The following RIOX2 variants were observed in gnomAD, a reference collection of about 807,000 sequenced individuals.
The protein encoded by RIOX2 is ribosomal oxygenase 2.
RIOX2 carries 43 observed loss-of-function variants against 51.2 expected under a neutral mutation model. That is an observed-to-expected ratio of 0.84 (90% CI 0.66 to 1.08). The LOEUF (loss-of-function observed/expected upper bound fraction) is 1.08. Among genes scored for constraint, RIOX2 ranks in the 50% least tolerant of loss-of-function variants. The pLI is 0.00. For synonymous variants in RIOX2, 226 were observed against 218.5 expected (o/e 1.03, Z -0.30); for missense variants, 566 against 561.7 (o/e 1.01, Z -0.08).
intron 6 of RIOX2, 149 bp from the exon 7 acceptor site, chr3:97,950,164 A>G (rs1270268944): frequency 1.4e-6 from 1 of 709,280 alleles, no homozygotes; most frequent in Non-Finnish European, 2.3e-6. Flanking sequence ...TGAGCCCCTA[A>G]GAATGATATC....
rs2107120674 is a variant in RIOX2 at position 97,944,194 on chromosome 3, T to C, written c.*990A>G. The C allele has an allele frequency of 6.6e-6, 1 of 151,952 alleles. No homozygotes were observed. Among genetic ancestry groups the C allele is most frequent in the South Asian group, 2.1e-4 (1 of 4,822 alleles). The allele number at this position is 151,952 out of a possible 1,614,324, so 9.4% of individuals were successfully genotyped here. ...TTTGAACCTTGACCTTACCATCTCTTTAAGTAAACGTGGAGTTGATTTCTC... is the reference window on the plus strand; with the variant it reads ...TTTGAACCTTGACCTTACCATCTCTCTAAGTAAACGTGGAGTTGATTTCTC... On this transcript the variant is annotated 3_prime_UTR_variant, in exon 10 of 10. Transcript: ENST00000394198.
chr3:97,962,259 T>C (rs1208334220), intron 2 of RIOX2, among the ~76,000 whole-genome samples: 1 of 151,516 alleles, frequency 6.6e-6, no homozygotes, highest in Non-Finnish European at 1.5e-5. Flanking sequence ...TCAGTTCCCC[T>C]TTCCACGTAA....
chr3:97,963,524 A>G (rs1181639899), intron 2 of RIOX2, among the ~76,000 whole-genome samples: 2 of 152,216 alleles, frequency 1.3e-5, no homozygotes, highest in African/African-American at 4.8e-5. Context: ...ATAGCTCCAA[A>G]GAGTTAACAG....
At chr3:97,955,110 G>T (rs772780674) in intron 4 of RIOX2, among the ~76,000 whole-genome samples, 41 of 152,158 alleles carry the variant, frequency 2.7e-4, no homozygotes, top group Non-Finnish European at 5.6e-4. Flanking sequence ...GTACTTCTAG[G>T]CGCAGGGTCT....
intron 1 of RIOX2, among the ~76,000 whole-genome samples, chr3:97,967,945 C>T (rs542230884): frequency 2.0e-5 from 3 of 152,310 alleles, no homozygotes; most frequent in African/African-American, 7.2e-5. Flanking sequence ...ATTCAACTGT[C>T]TCAGCAGTTC....
At chr3:97,957,062 C>T (rs1196331498) in intron 4 of RIOX2, among the ~76,000 whole-genome samples, 1 of 152,184 alleles carries the variant, frequency 6.6e-6, no homozygotes, top group Non-Finnish European at 1.5e-5. Flanking sequence ...CTGCCACTAG[C>T]ATAGGGGAAA....
rs767547644 is a variant in RIOX2 at position 97,945,927 on chromosome 3, C to A, written c.1150-40G>T. On this transcript the variant is annotated intron_variant, in intron 8 of 9. Coordinates refer to ENST00000394198, the MANE Select transcript of RIOX2 (RefSeq NM_153182.4). ...TAAATGCATTAGGCCATCAACAACACAACACTGAAGGTGTCAGTACTAGGA... is the reference window on the plus strand; with the variant it reads ...TAAATGCATTAGGCCATCAACAACAAAACACTGAAGGTGTCAGTACTAGGA... The A allele has an allele frequency of 6.3e-6, 9 of 1,430,418 alleles. No homozygotes were observed. The East Asian group carries it at 1.8e-4, about 29-fold the overall frequency. 88.6% of individuals were successfully genotyped at this position (1,430,418 alleles called of 1,614,324 possible). A position where few individuals can be genotyped will look rare whatever the true frequency, so the allele number is the denominator to read the frequency against.
At position 97,953,332 on chromosome 3, in the gene RIOX2, A is replaced by G. The variant is rs148584565; in HGVS notation, c.785+1060T>C. Among the ~76,000 whole-genome samples, 305 of 152,246 alleles carry G rather than the reference A, an allele frequency of 2.0e-3. 2 individuals are homozygous for G. Among genetic ancestry groups the G allele is most frequent in the African/African-American group, 6.8e-3 (281 of 41,560 alleles). On this transcript the variant is annotated intron_variant, in intron 5 of 9. Transcript: ENST00000394198. ...ATAAAATCCTTGAATTCCCAGCAAC[A>G]AACACAATGTCTAGTACATATTTGT... is the stretch of plus-strand genomic sequence containing the variant.
intron 4 of RIOX2, among the ~76,000 whole-genome samples, chr3:97,955,399 T>A (rs528664003): frequency 1.3e-5 from 2 of 151,984 alleles, no homozygotes; most frequent in Non-Finnish European, 2.9e-5. Context: ...AGCAGCTACC[T>A]ATGGAGAAAA....
rs10542689 is a variant in RIOX2 at position 97,962,356 on chromosome 3, ACCCCC to A, written c.433-653_433-649del. 8.5e-3 allele frequency among the ~76,000 whole-genome samples: 594 copies of A among 70,218 alleles called. 21 individuals carry two copies. Among genetic ancestry groups the A allele is most frequent in the African/African-American group, 0.03 (574 of 19,130 alleles). 46.1% of individuals were successfully genotyped at this position (70,218 alleles called of 152,430 possible). On this transcript the variant is annotated intron_variant, in intron 2 of 9. Coordinates refer to ENST00000394198, the MANE Select transcript of RIOX2 (RefSeq NM_153182.4). ...GGAATGTTAAGTTTGGAATGCTAAG[ACCCCC>A]CCCCCCCCCCCCACATGGAGATGTC...
intron 2 of RIOX2, among the ~76,000 whole-genome samples, chr3:97,963,178 T>C (rs1009739735): frequency 2.6e-5 from 4 of 152,350 alleles, no homozygotes; most frequent in South Asian, 2.1e-4. Flanking sequence ...AGTGCAGTGG[T>C]GTGATCACAA....
rs745475658 is a variant in RIOX2 at position 97,967,331 on chromosome 3, C to A, written c.263G>T (p.Ser88Ile). The A allele has an allele frequency of 6.2e-7, 1 of 1,614,236 alleles. No individual in the cohort carries two copies. Among genetic ancestry groups the A allele is most frequent in the Admixed American group, 1.7e-5 (1 of 60,032 alleles). ...GSLFKLTDLK[S>I]LCSRGMYYGR... ...ATAGTACATCCCCCGGCTGCACAGA[C>A]TCTTCAGATCTGTTAGCTTGAACAG... is the stretch of plus-strand genomic sequence containing the variant. The change falls in exon 2 of 10, where the codon AGT (serine) becomes ATT (isoleucine). Residue 88 changes from serine to isoleucine, a missense_variant. Physicochemically the swap from Ser to Ile is moderately radical, Grantham distance 142 (BLOSUM62 -2). Transcript: ENST00000394198.
chr3:97,961,521 A>G, intron 3 of RIOX2, 68 bp downstream of exon 3: 1 of 1,509,028 alleles, frequency 6.6e-7, no homozygotes, highest in Non-Finnish European at 8.9e-7. Context: ...TCACCCTGAC[A>G]ACTCTACTAA....
intron 3 of RIOX2, among the ~76,000 whole-genome samples, chr3:97,961,040 A>G (rs1462466154): frequency 1.3e-5 from 2 of 152,234 alleles, no homozygotes; most frequent in African/African-American, 4.8e-5. Context: ...CAAAAATAAA[A>G]CTATGGAATA....
chr3:97,971,328 T>C (rs965640162), intron 1 of RIOX2, among the ~76,000 whole-genome samples: 4 of 152,326 alleles, frequency 2.6e-5, no homozygotes, highest in Admixed American at 2.0e-4. Flanking sequence ...AGGCCCATAA[T>C]CTGCATTAAC....
chr3:97,965,429 T>G (rs1355332106), intron 2 of RIOX2, among the ~76,000 whole-genome samples: 1 of 151,760 alleles, frequency 6.6e-6, no homozygotes, highest in Non-Finnish European at 1.5e-5. Flanking sequence ...GAAGGATCAC[T>G]TGAACCCAGG....
chr3:97,945,184 C>G lies in RIOX2; in HGVS notation c.1398G>C (p.Ter466TyrextTer27), dbSNP rs768193404. The G allele has an allele frequency of 2.8e-5, 45 of 1,607,778 alleles. No homozygotes were observed. The highest frequency in any genetic ancestry group is 3.3e-5 in the Non-Finnish European group (39 of 1,177,314). ...GTAGGCATTTGATTCTGCAAAGGCA[C>G]TAGACTACTTGAATTAAACATTCTG... Reference protein sequence around the residue: ...LWTECLIQVV* With the variant: ...LWTECLIQVVY The change falls in exon 10 of 10, where the codon TAG becomes TAC. Residue 466 changes from the stop codon to tyrosine (Y), a stop_lost. Transcript: ENST00000394198.
chr3:97,945,775 A>G (rs767600712), intron 9 of RIOX2, 23 bp downstream of exon 9: 9 of 1,550,534 alleles, frequency 5.8e-6, no homozygotes, highest in Non-Finnish European at 7.1e-6. Flanking sequence ...CAGGATAGGC[A>G]TTTGTTTTCA....
chr3:97,969,366 T>C (rs1021564916), intron 1 of RIOX2, among the ~76,000 whole-genome samples: 2 of 152,214 alleles, frequency 1.3e-5, no homozygotes, highest in Non-Finnish European at 2.9e-5. Context: ...TGCTAGTACA[T>C]GGAACTCTCA....
Sources: allele counts gnomAD v4.1 joint callset (sites outside exome capture counted in the v4.1 genomes callset), GRCh38; gene constraint gnomAD v4.1.1; transcripts MANE v1.5; gene names NCBI Gene and HGNC (gene_info 2026-07-23, HGNC 2026-07-21).